Variants in CLPP observed in about 807,000 individuals in gnomAD.
CLPP encodes the protein ATP-dependent Clp protease proteolytic subunit, mitochondrial.
A neutral mutation model predicts 27.4 loss-of-function variants in CLPP; 14 were observed. That is an observed-to-expected ratio of 0.51 (90% CI 0.34 to 0.80). CLPP has a LOEUF of 0.80. Among genes scored for constraint, CLPP ranks in the 30% least tolerant of loss-of-function variants. The probability of loss-of-function intolerance (pLI) is 0.02; values close to 1 mark genes in which losing one functional copy is unlikely to be tolerated. For missense variants in CLPP, 361 were observed against 403.6 expected (o/e 0.89, Z 0.90); for synonymous variants, 193 against 166.6 (o/e 1.16, Z -1.22).
intron 3 of CLPP, 73 bp from the exon 4 acceptor site, chr19:6,364,379 A>T: frequency 7.1e-7 from 1 of 1,409,554 alleles, no homozygotes; most frequent in South Asian, 1.2e-5. Context: ...CACCCTCCCC[A>T]GGTTTAGGAG....
At position 6,368,641 on chromosome 19, in the gene CLPP, G is replaced by A. The variant is rs188602661; in HGVS notation, c.765G>A (p.Glu255=). 1 of 1,606,220 alleles carries A rather than the reference G, an allele frequency of 6.2e-7. No individual in the cohort carries two copies. The highest frequency in any genetic ancestry group is 1.3e-5 in the African/African-American group (1 of 74,828). The stretch of plus-strand genomic sequence containing the variant: ...ACCCTCCCCAGGACGGTGAGGATGA[G>A]CCCACGCTGGTGCAGAAGGAGCCTG... ...LVHPPQDGED[E]PTLVQKEPVE... is the part of the protein sequence containing the mutation. The change falls in exon 6 of 6, where the codon GAG becomes GAA. Residue 255 remains glutamate, a synonymous_variant. Transcript: ENST00000245816.
intron 5 of CLPP, 84 bp downstream of exon 5, chr19:6,366,447 C>T: frequency 9.5e-7 from 1 of 1,047,144 alleles, no homozygotes; most frequent in East Asian, 2.6e-5. Flanking sequence ...CACCTGGCCC[C>T]TGCGGACTTT....
intron 3 of CLPP, among the ~76,000 whole-genome samples, chr19:6,363,340 C>A (rs181094413): frequency 6.6e-6 from 1 of 152,048 alleles, no homozygotes; most frequent in Non-Finnish European, 1.5e-5. Flanking sequence ...TTAGGCTGGT[C>A]TTGAACTCCT....
Position 6,364,731 on chromosome 19 carries a change from G to GT in CLPP, c.555+107dup, listed in dbSNP as rs371513262. On this transcript the variant is annotated intron_variant, in intron 4 of 5. Coordinates refer to ENST00000245816, the MANE Select transcript of CLPP (RefSeq NM_006012.4). ...GCGGAAGTCAAGCGTGGGAGGGGAT[G>GT]TTTTTTTTTTTTTTTGAGATGGAGT... 0.12 allele frequency: 101,569 copies of GT among 839,498 alleles called. 4 individuals carry two copies. Among genetic ancestry groups the GT allele is most frequent in the Non-Finnish European group, 0.13 (78,023 of 585,982 alleles). 52.0% of individuals were successfully genotyped at this position (839,498 alleles called of 1,614,324 possible).
chr19:6,368,763 C>A lies in CLPP; in HGVS notation c.*53C>A. 4 of 1,507,818 alleles carry A rather than the reference C, an allele frequency of 2.7e-6. No individual in the cohort carries two copies. Among genetic ancestry groups the A allele is most frequent in the Non-Finnish European group, 3.6e-6 (4 of 1,118,626 alleles). 93.4% of individuals were successfully genotyped at this position (1,507,818 alleles called of 1,614,324 possible). A position where few individuals can be genotyped will look rare whatever the true frequency, so the allele number is the denominator to read the frequency against. On this transcript the variant is annotated 3_prime_UTR_variant, in exon 6 of 6. Transcript: ENST00000245816. ...TGGAGGGGCCAGAGGCCTGCCAGACCCCCAGCTGGGCCCTGCTCACCCCTT... is the reference window on the plus strand; with the variant it reads ...TGGAGGGGCCAGAGGCCTGCCAGACACCCAGCTGGGCCCTGCTCACCCCTT...
In CLPP at chr19:6,361,658, T is replaced by C; in HGVS notation, c.84T>C (p.Phe28=). 1.4e-6 allele frequency: 2 copies of C among 1,432,742 alleles called. No homozygotes were observed. The highest frequency in any genetic ancestry group is 9.1e-7 in the Non-Finnish European group (1 of 1,094,068). The allele number at this position is 1,432,742 out of a possible 1,614,324, so 88.8% of individuals were successfully genotyped here. A position where few individuals can be genotyped will look rare whatever the true frequency, so the allele number is the denominator to read the frequency against. ...TGGGGCCTCGCCTCGCCGCTCACTT[T>C]CCAGCGCAGCGGCCGCCGCAGCGGA... ...PALGPRLAAH[F]PAQRPPQRTL... is the part of the protein sequence containing the mutation. Residue 28 remains phenylalanine (F), a synonymous_variant, in exon 1 of 6, where the codon TTT becomes TTC. Transcript: ENST00000245816.
chr19:6,363,840 A>G (rs150033660), intron 3 of CLPP, among the ~76,000 whole-genome samples: 1,981 of 149,346 alleles, frequency 0.013, 47 homozygotes, highest in African/African-American at 0.045. Context: ...GGTTGCAGTG[A>G]GCTGAGATCG....
At chr19:6,362,173 C>T in intron 2 of CLPP, 2 of 601,396 alleles carry the variant, frequency 3.3e-6, no homozygotes, top group South Asian at 2.0e-5. Context: ...TGGCACCGCT[C>T]CCCTCATTCC....
rs926262230 is a variant in CLPP, at chr19:6,368,655, A to G, written c.779A>G (p.Gln260Arg). The G allele has an allele frequency of 1.0e-5, 16 of 1,598,940 alleles. No homozygotes were observed. The highest frequency in any genetic ancestry group is 1.4e-5 in the Non-Finnish European group (16 of 1,172,962). The change falls in exon 6 of 6, where the codon CAG becomes CGG. Residue 260 changes from glutamine to arginine, a missense_variant. Transcript: ENST00000245816. ...QDGEDEPTLV[Q>R]KEPVEAAPAA... Reference sequence around the variant, plus strand: ...GGTGAGGATGAGCCCACGCTGGTGCAGAAGGAGCCTGTAGAAGCAGCGCCG... The same window carrying G: ...GGTGAGGATGAGCCCACGCTGGTGCGGAAGGAGCCTGTAGAAGCAGCGCCG...
chr19:6,366,205 G>T, intron 4 of CLPP, 53 bp from the exon 5 acceptor site: 1 of 1,290,116 alleles, frequency 7.8e-7, no homozygotes. Context: ...TCCCTGTGAG[G>T]GGCTGACGCC....
In CLPP at chr19:6,368,517, C is replaced by T. The variant is rs201016964; in HGVS notation, c.662-21C>T. ...TCTCTGCTCTTACCCTAATGTGTCT[C>T]ACCTCCTGCTTCCCCACCAGAGTCC... On this transcript the variant is annotated intron_variant, in intron 5 of 5. Transcript: ENST00000245816. The T allele has an allele frequency of 3.7e-5, 60 of 1,613,850 alleles. No individual in the cohort carries two copies. In the African/African-American group the frequency reaches 7.9e-4, roughly 21 times the overall value.
At chr19:6,368,277 G>A (rs2091872271) in intron 5 of CLPP, among the ~76,000 whole-genome samples, 1 of 152,064 alleles carries the variant, frequency 6.6e-6, no homozygotes, top group Non-Finnish European at 1.5e-5. Flanking sequence ...TTCTCGCTGT[G>A]TCTTCACATG....
intron 5 of CLPP, 67 bp downstream of exon 5, chr19:6,366,430 G>A (rs1186329177): frequency 7.9e-7 from 1 of 1,260,092 alleles, no homozygotes; most frequent in East Asian, 2.5e-5. Flanking sequence ...CTAAGCCAGG[G>A]CTTCTCCACC....
chr19:6,365,173 C>G (rs892520992), intron 4 of CLPP: 2 of 145,538 alleles, frequency 1.4e-5, no homozygotes, highest in African/African-American at 5.1e-5. Flanking sequence ...GACCTTGTCT[C>G]TATTAAAGAA....
rs529909670 is a variant in CLPP, at chr19:6,369,158, C to A, written c.*448C>A. Among the ~76,000 whole-genome samples, 1 of 152,284 alleles carries A rather than the reference C, an allele frequency of 6.6e-6. No homozygotes were observed. Among genetic ancestry groups the A allele is most frequent in the South Asian group, 2.1e-4 (1 of 4,830 alleles). On this transcript the variant is annotated 3_prime_UTR_variant, in exon 6 of 6. Coordinates refer to ENST00000245816, the MANE Select transcript of CLPP (RefSeq NM_006012.4). ...ACAAAACAGGCCAGGCGCGCTGGCT[C>A]ACGCCTGTAATCCCAGCACTTTGGG... is the stretch of plus-strand genomic sequence containing the variant.
At chr19:6,362,327 C>A (rs1316200511) in intron 2 of CLPP, 119 bp from the exon 3 acceptor site, 4 of 706,882 alleles carry the variant, frequency 5.7e-6, no homozygotes, top group African/African-American at 1.8e-5. Context: ...AAATTCTTCC[C>A]CATCCCTTTT....
chr19:6,361,731 A>ACCCGGGCTCT lies in CLPP; in HGVS notation c.162_171dup (p.Leu58GlyfsTer20). 6.6e-7 allele frequency: 1 copy of ACCCGGGCTCT among 1,510,798 alleles called. No individual in the cohort carries two copies. The highest frequency in any genetic ancestry group is 8.8e-7 in the Non-Finnish European group (1 of 1,133,676). 93.6% of individuals were successfully genotyped at this position (1,510,798 alleles called of 1,614,324 possible). On this transcript the variant is annotated frameshift_variant, in exon 1 of 6. Transcript: ENST00000245816. LOFTEE classifies it high-confidence loss of function. ...GCAGCGGTGCCTGCACGCGACGGCG[A>ACCCGGGCTCT]CCCGGGCTCTCCCGCTCATTCCCAT...
At chr19:6,363,478 C>T (rs1322358851) in intron 3 of CLPP, among the ~76,000 whole-genome samples, 1 of 152,132 alleles carries the variant, frequency 6.6e-6, no homozygotes, top group African/African-American at 2.4e-5. Flanking sequence ...TCCACTGGCA[C>T]ATCTGGCAAG....
intron 2 of CLPP, chr19:6,362,164 G>A (rs1351293429): frequency 3.3e-6 from 2 of 598,138 alleles, no homozygotes; most frequent in Non-Finnish European, 5.9e-6. Flanking sequence ...CCTGACACCT[G>A]GCACCGCTCC....
Sources: allele counts gnomAD v4.1 joint callset (sites outside exome capture counted in the v4.1 genomes callset), GRCh38; gene constraint gnomAD v4.1.1; transcripts MANE v1.5; gene names NCBI Gene and HGNC (gene_info 2026-07-23, HGNC 2026-07-21).